The following C2 variants were observed in gnomAD, a reference collection of about 807,000 sequenced individuals.
C2 encodes C3/C5 convertase.
In C2, 64 loss-of-function variants were observed where a neutral mutation model predicts 85.2. That is an observed-to-expected ratio of 0.75 (90% CI 0.61 to 0.92). The LOEUF is 0.92. Ranked by LOEUF, C2 falls within the 40% of genes least tolerant of loss-of-function variation. The pLI, the probability that C2 is intolerant of heterozygous loss-of-function variation, is 0.00. For missense variants in C2, 820 were observed against 971.6 expected (o/e 0.84, Z 2.07); for synonymous variants, 311 against 370.8 (o/e 0.84, Z 1.85).
At chr6:31,934,588 T>C in intron 6 of C2, 3 of 1,433,000 alleles carry the variant, frequency 2.1e-6, no homozygotes, top group East Asian at 2.5e-5. Context: ...CACAGAAAGG[T>C]AGTGAGATAA....
At chr6:31,915,834 A>G (rs778875116), upstream of C2, among the ~76,000 whole-genome samples, 20 of 152,216 alleles carry the variant, frequency 1.3e-4, no homozygotes, top group Non-Finnish European at 2.8e-4. Context: ...GAGGAATTCC[A>G]TCCTATCATG....
chr6:31,941,422 C>A (rs959823759), intron 9 of C2: 2 of 152,234 alleles, frequency 1.3e-5, no homozygotes, highest in African/African-American at 2.4e-5. Context: ...GCCTCTGTGT[C>A]ATTACATGCT....
intron 9 of C2, among the ~76,000 whole-genome samples, chr6:31,939,547 T>C (rs1582107787): frequency 6.7e-6 from 1 of 148,854 alleles, no homozygotes; most frequent in African/African-American, 2.5e-5. Context: ...AGTGTCTCAC[T>C]GACACTCAGA....
At chr6:31,900,169 G>A, upstream of C2, 1 of 1,614,230 alleles carries the variant, frequency 6.2e-7, no homozygotes, top group Non-Finnish European at 8.5e-7. The surrounding 1 kb of genome is among the most constrained non-coding windows in gnomAD (Gnocchi z 9.7). Flanking sequence ...CACGATGCAC[G>A]TTCATGTGGC....
At chr6:31,931,575 TG>T (rs1769752440) in intron 3 of C2, among the ~76,000 whole-genome samples, 1 of 151,932 alleles carries the variant, frequency 6.6e-6, no homozygotes, top group African/African-American at 2.4e-5. Context: ...AGCACAGGGT[TG>T]GGGGTAAGGT....
chr6:31,927,247 A>G (rs1769326896), upstream of C2, among the ~76,000 whole-genome samples: 1 of 152,260 alleles, frequency 6.6e-6, no homozygotes, highest in African/African-American at 2.4e-5. This position sits in a 1 kb window ranked among gnomAD's most constrained non-coding sequence, Gnocchi z 4.7. Flanking sequence ...GAACTGTTCT[A>G]GGCTCTCAGG....
chr6:31,931,403 C>G (rs576473011), intron 3 of C2, among the ~76,000 whole-genome samples: 1 of 151,244 alleles, frequency 6.6e-6, no homozygotes, highest in South Asian at 2.1e-4. Flanking sequence ...AGGCAGAGGA[C>G]CCTGCGGCCT....
At position 31,935,028 on chromosome 6, in the gene C2, AATAAAAT is replaced by A; in HGVS notation, c.849+731_849+737del. 6 of 882,826 alleles carry A rather than the reference AATAAAAT, an allele frequency of 6.8e-6. No homozygotes were observed. The highest frequency in any genetic ancestry group is 8.1e-6 in the Non-Finnish European group (6 of 736,420). The allele number at this position is 882,826 out of a possible 1,614,324, so 54.7% of individuals were successfully genotyped here. ...TGTCTCAAAAAAATAAATAAAATAA[AATAAAAT>A]AAAATAAAATATGTGTGATAGAAGT... is the stretch of plus-strand genomic sequence containing the variant. On this transcript the variant is annotated intron_variant, in intron 6 of 17. Transcript: ENST00000299367. This position sits in a 1 kb window ranked among gnomAD's most constrained non-coding sequence, Gnocchi z 4.3.
Position 31,908,946 on chromosome 6 carries a change from T to C in C2, c.73+7807T>C, listed in dbSNP as rs367594811. Among the ~76,000 whole-genome samples the C allele has an allele frequency of 1.2e-4, 18 of 152,172 alleles. No homozygotes were observed. The East Asian group carries it at 2.9e-3, about 25-fold the overall frequency. On this transcript the variant is annotated intron_variant, in intron 1 of 3. Coordinates refer to the C2 transcript ENST00000452202. Reference sequence around the variant, plus strand: ...CAAAAAGTTGTTGATATGACTGGCTTTATTGAGGGGATCTGGAACGAAGCC... The same window carrying C: ...CAAAAAGTTGTTGATATGACTGGCTCTATTGAGGGGATCTGGAACGAAGCC...
At chr6:31,900,061 G>T, upstream of C2, 1 of 1,613,228 alleles carries the variant, frequency 6.2e-7, no homozygotes, top group South Asian at 1.1e-5. This position sits in a 1 kb window ranked among gnomAD's most constrained non-coding sequence, Gnocchi z 9.7. Flanking sequence ...AGGAGCAGCG[G>T]TAGGGCCGCG....
chr6:31,945,408 T>A lies in C2; in HGVS notation c.*51T>A. The A allele has an allele frequency of 6.5e-7, 1 of 1,542,946 alleles. No individual in the cohort carries two copies. ...CCTGCCAGAATCTGCCGCCCCTCCA[T>A]CTTCTACCTCTGAATGGCCACCCTT... On this transcript the variant is annotated 3_prime_UTR_variant, in exon 18 of 18. Transcript: ENST00000299367. The surrounding 1 kb of genome is among the most constrained non-coding windows in gnomAD (Gnocchi z 5.3).
At chr6:31,911,764 G>C (rs2151712187) in intron 1 of C2, among the ~76,000 whole-genome samples, 1 of 151,432 alleles carries the variant, frequency 6.6e-6, no homozygotes, top group East Asian at 1.9e-4. Context: ...CAAGTAGCTG[G>C]GACTACAGGC....
chr6:31,907,422 GAA>G (rs1330499515), intron 1 of C2, among the ~76,000 whole-genome samples: 1 of 141,912 alleles, frequency 7.0e-6, no homozygotes. Context: ...CCCAGTCTCA[GAA>G]AAAAAAAAAA....
At position 31,921,445 on chromosome 6, in the gene C2, G is replaced by A. The variant is rs1768962326; in HGVS notation, c.-100+1419G>A. 6.6e-6 allele frequency among the ~76,000 whole-genome samples: 1 copy of A among 152,136 alleles called. No homozygotes were observed. The highest frequency in any genetic ancestry group is 2.4e-5 in the African/African-American group (1 of 41,416). On this transcript the variant is annotated intron_variant, in intron 1 of 3. Coordinates refer to the C2 transcript ENST00000413154. This position sits in a 1 kb window ranked among gnomAD's most constrained non-coding sequence, Gnocchi z 4.6. ...GGTGTTATGGGAGAGGGGGTGCCAA[G>A]AGGAAAGAGCCTAGGGGAGAGAGGG...
At position 31,922,511 on chromosome 6, in the gene C2, C is replaced by T. The variant is rs180995708; in HGVS notation, c.-100+2485C>T. On this transcript the variant is annotated intron_variant, in intron 1 of 3. Transcript: ENST00000413154. This position sits in a 1 kb window ranked among gnomAD's most constrained non-coding sequence, Gnocchi z 4.8. ...GCTCTCCAGGGGAGAATAAGGCATC[C>T]TGAGAGGCCATCAGAGCATCATTTC... Among the ~76,000 whole-genome samples the T allele has an allele frequency of 1.9e-3, 296 of 152,194 alleles. No homozygotes were observed. The highest frequency in any genetic ancestry group is 3.9e-3 in the Non-Finnish European group (264 of 68,002).
At chr6:31,912,290 A>G (rs1035204095) in intron 1 of C2, among the ~76,000 whole-genome samples, 2 of 152,222 alleles carry the variant, frequency 1.3e-5, no homozygotes, top group South Asian at 2.1e-4. Context: ...AAAGGCTTCA[A>G]ATTTAATGGA....
At chr6:31,936,152 G>A in intron 7 of C2, 91 bp downstream of exon 7, 1 of 1,428,040 alleles carries the variant, frequency 7.0e-7, no homozygotes, top group Non-Finnish European at 9.7e-7. Flanking sequence ...TAAAAAGAGA[G>A]TGAGGCCTCT....
intron 9 of C2, among the ~76,000 whole-genome samples, chr6:31,942,340 G>T (rs182518261): frequency 4.7e-5 from 7 of 149,554 alleles, no homozygotes; most frequent in Admixed American, 3.4e-4. Context: ...CATCTGCAAA[G>T]ACCCTTTTTC....
chr6:31,928,172 T>C lies in C2; in HGVS notation c.256+8T>C. 6.2e-7 allele frequency: 1 copy of C among 1,601,672 alleles called. No individual in the cohort carries two copies. Among genetic ancestry groups the C allele is most frequent in the Middle Eastern group, 1.7e-4 (1 of 6,056 alleles). ...CTAAGGCGGTCTGCAAACGTGAGGC[T>C]CCCTGTGGGCTTTGCTCAGGGTGCT... On this transcript the variant is annotated splice_region_variant and intron_variant, in intron 2 of 17. Transcript: ENST00000299367.
Sources: allele counts gnomAD v4.1 joint callset (sites outside exome capture counted in the v4.1 genomes callset), GRCh38; gene constraint gnomAD v4.1.1; non-coding constraint Gnocchi (gnomAD v3.1); transcripts MANE v1.5; gene names NCBI Gene and HGNC (gene_info 2026-07-23, HGNC 2026-07-21).